Variants in PRSS12 observed in about 807,000 individuals in gnomAD.
The protein encoded by PRSS12 is serine protease 12.
A neutral mutation model predicts 104.4 loss-of-function variants in PRSS12; 85 were observed. The ratio of observed to expected loss-of-function variants is 0.81; its 90% CI spans 0.68 to 0.98. PRSS12 has a LOEUF of 0.98. PRSS12 is among the 50% of genes least tolerant of loss of function. PRSS12 has a pLI of 0.00. For missense variants in PRSS12, 1,141 were observed against 1,139.2 expected (o/e 1.00, Z -0.02); for synonymous variants, 454 against 425.2 (o/e 1.07, Z -0.83).
chr4:118,333,697 A>G (rs1183976969), intron 3 of PRSS12, among the ~76,000 whole-genome samples: 1 of 152,234 alleles, frequency 6.6e-6, no homozygotes, highest in Non-Finnish European at 1.5e-5. Context: ...GAGAAAGTTG[A>G]AAACCATCTA....
At chr4:118,338,368 T>G (rs1050150130) in intron 1 of PRSS12, 54 bp from the exon 2 acceptor site, 4 of 1,603,624 alleles carry the variant, frequency 2.5e-6, no homozygotes, top group Admixed American at 3.3e-5. Flanking sequence ...CATTTGAACA[T>G]ATTGAGCCAG....
rs1578897933 is a variant in PRSS12, at chr4:118,281,161, A to G, written c.*775T>C. The G allele has an allele frequency of 6.6e-6, 1 of 152,258 alleles. No individual in the cohort carries two copies. Among genetic ancestry groups the G allele is most frequent in the South Asian group, 2.1e-4 (1 of 4,836 alleles). 9.4% of individuals were successfully genotyped at this position (152,258 alleles called of 1,614,324 possible). A position where few individuals can be genotyped will look rare whatever the true frequency, so the allele number is the denominator to read the frequency against. On this transcript the variant is annotated 3_prime_UTR_variant, in exon 13 of 13. Coordinates refer to ENST00000296498, the MANE Select transcript of PRSS12 (RefSeq NM_003619.4). ...CGTGGACTATGATGAGGTGCTTGTT[A>G]AAAGCAAATATAGTAGATATGTTAA...
intron 1 of PRSS12, among the ~76,000 whole-genome samples, chr4:118,341,405 G>A (rs1724204135): frequency 6.6e-6 from 1 of 152,136 alleles, no homozygotes; most frequent in African/African-American, 2.4e-5. Flanking sequence ...ATTTATGGCT[G>A]GACACAGTGG....
intron 8 of PRSS12, 148 bp from the exon 9 acceptor site, chr4:118,299,086 A>G: frequency 1.2e-6 from 1 of 856,650 alleles, no homozygotes; most frequent in Non-Finnish European, 1.8e-6. Context: ...CATGACTGTC[A>G]AAAAAAATTA....
intron 9 of PRSS12, among the ~76,000 whole-genome samples, chr4:118,296,707 T>C (rs1743262968): frequency 6.6e-6 from 1 of 151,788 alleles, no homozygotes; most frequent in South Asian, 2.1e-4. Context: ...AATAACCAGG[T>C]AGAAGGGAGC....
At chr4:118,290,340 TGACTG>T (rs1743101414) in intron 11 of PRSS12, among the ~76,000 whole-genome samples, 1 of 152,206 alleles carries the variant, frequency 6.6e-6, no homozygotes, top group African/African-American at 2.4e-5. Flanking sequence ...TGAACTCCTA[TGACTG>T]TAACTTTTGG....
Position 118,352,991 on chromosome 4 carries a change from G to A in PRSS12, c.-271C>T, listed in dbSNP as rs1466778143. The A allele has an allele frequency of 2.6e-6, 2 of 783,534 alleles. No homozygotes were observed. Among genetic ancestry groups the A allele is most frequent in the Admixed American group, 4.3e-5 (1 of 23,356 alleles). The allele number at this position is 783,534 out of a possible 1,614,324, so 48.5% of individuals were successfully genotyped here. A position where few individuals can be genotyped will look rare whatever the true frequency, so the allele number is the denominator to read the frequency against. On this transcript the variant is annotated 5_prime_UTR_variant, in exon 1 of 13. Coordinates refer to ENST00000296498, the MANE Select transcript of PRSS12 (RefSeq NM_003619.4). Reference sequence around the variant, plus strand: ...GGCGGAGAGGACCGGAAAAGAGAAGGCGCGGACGCAGCGGGGAGCGGTTGG... The same window carrying A: ...GGCGGAGAGGACCGGAAAAGAGAAGACGCGGACGCAGCGGGGAGCGGTTGG...
At chr4:118,313,027 C>T in intron 7 of PRSS12, 174 bp downstream of exon 7, 1 of 722,890 alleles carries the variant, frequency 1.4e-6, no homozygotes, top group South Asian at 1.9e-5. Flanking sequence ...AATGTTGGCG[C>T]ACAGACTCAA....
rs1459396978 is a variant in PRSS12, at chr4:118,289,745, G to T, written c.2039+5194C>A. Reference sequence around the variant, plus strand: ...TAGCCTCCTTAGGCGCTTCAAACAGGAAGTCTATGAAATCCGGCAAAGGTA... The same window carrying T: ...TAGCCTCCTTAGGCGCTTCAAACAGTAAGTCTATGAAATCCGGCAAAGGTA... On this transcript the variant is annotated intron_variant, in intron 11 of 12. Transcript: ENST00000296498. 3.9e-5 allele frequency among the ~76,000 whole-genome samples: 6 copies of T among 152,164 alleles called. No individual in the cohort carries two copies. The East Asian group carries it at 1.2e-3, about 29-fold the overall frequency.
At chr4:118,343,871 T>C (rs1217936482) in intron 1 of PRSS12, among the ~76,000 whole-genome samples, 4 of 152,196 alleles carry the variant, frequency 2.6e-5, no homozygotes, top group Admixed American at 6.5e-5. Flanking sequence ...CCCACCCCAA[T>C]AGTGTTTTCT....
intron 10 of PRSS12, 38 bp downstream of exon 10, chr4:118,295,740 T>G (rs773377590): frequency 6.5e-7 from 1 of 1,546,802 alleles, no homozygotes; most frequent in African/African-American, 1.4e-5. Context: ...TATAAATAAT[T>G]CTGTAATATA....
At chr4:118,307,066 A>AT (rs959064863) in intron 8 of PRSS12, among the ~76,000 whole-genome samples, 15 of 151,632 alleles carry the variant, frequency 9.9e-5, no homozygotes, top group African/African-American at 1.5e-4. Flanking sequence ...AACAAGAATA[A>AT]TTTTTTTTTC....
At chr4:118,291,324 A>G (rs919731760) in intron 11 of PRSS12, among the ~76,000 whole-genome samples, 3 of 152,160 alleles carry the variant, frequency 2.0e-5, no homozygotes, top group African/African-American at 7.2e-5. Flanking sequence ...ACAGTACTCT[A>G]AACACTACAT....
At chr4:118,285,172 T>C (rs371757569) in intron 11 of PRSS12, among the ~76,000 whole-genome samples, 81 of 152,376 alleles carry the variant, frequency 5.3e-4, no homozygotes, top group African/African-American at 1.8e-3. Flanking sequence ...ATCTGTGATT[T>C]CTTGAGACTC....
chr4:118,348,192 G>A (rs1454494170), intron 1 of PRSS12, among the ~76,000 whole-genome samples: 1 of 152,176 alleles, frequency 6.6e-6, no homozygotes, highest in Non-Finnish European at 1.5e-5. Context: ...TGGCACAAAT[G>A]CATTTTGTCT....
chr4:118,323,426 A>G (rs1187225251), intron 4 of PRSS12, among the ~76,000 whole-genome samples: 1 of 151,904 alleles, frequency 6.6e-6, no homozygotes, highest in African/African-American at 2.4e-5. Context: ...GATAACAAAA[A>G]GATGAAATCC....
chr4:118,304,196 G>A (rs1277941660), intron 8 of PRSS12, among the ~76,000 whole-genome samples: 1 of 151,524 alleles, frequency 6.6e-6, no homozygotes, highest in Admixed American at 6.6e-5. Context: ...ATATATGTGT[G>A]TGTATATATA....
intron 3 of PRSS12, among the ~76,000 whole-genome samples, chr4:118,332,818 A>T (rs953005531): frequency 1.3e-5 from 2 of 152,222 alleles, no homozygotes; most frequent in African/African-American, 2.4e-5. Context: ...AATTGGCAAC[A>T]TCTATTCATT....
intron 11 of PRSS12, among the ~76,000 whole-genome samples, chr4:118,294,715 T>C (rs951059314): frequency 6.6e-6 from 1 of 152,178 alleles, no homozygotes; most frequent in Non-Finnish European, 1.5e-5. Context: ...CCTGTTCTTC[T>C]ATTCTCCCTA....
Sources: gnomAD v4.1 joint callset for allele counts (sites outside exome capture counted in the v4.1 genomes callset) on GRCh38, gnomAD v4.1.1 for gene constraint, MANE v1.5 for transcripts, NCBI Gene and HGNC (gene_info 2026-07-23, HGNC 2026-07-21) for gene names.